Variants in TCF12 observed in about 807,000 individuals in gnomAD.
TCF12 encodes transcription factor 12.
A neutral mutation model predicts 86.0 loss-of-function variants in TCF12; 45 were observed. The observed-to-expected ratio is 0.52, with a 90% CI of 0.41 to 0.67. The LOEUF (loss-of-function observed/expected upper bound fraction) is 0.67, where lower values mean the gene tolerates loss of function less well. Ranked by LOEUF, TCF12 falls within the 30% of genes least tolerant of loss-of-function variation. TCF12 has a pLI of 0.00. For synonymous variants in TCF12, 330 were observed against 299.6 expected, an observed-to-expected ratio of 1.10 and a Z score of -1.05; for missense variants, 881 against 859.9, an observed-to-expected ratio of 1.02 and a Z score of -0.31.
chr15:57,178,328 G>A (rs148000360), intron 6 of TCF12, among the ~76,000 whole-genome samples: 1 of 152,194 alleles, frequency 6.6e-6, no homozygotes, highest in African/African-American at 2.4e-5. Flanking sequence ...TTTTGAAGAC[G>A]TCCAGTACGT....
chr15:57,118,084 G>A (rs1003988719), intron 5 of TCF12, among the ~76,000 whole-genome samples: 11 of 152,190 alleles, frequency 7.2e-5, no homozygotes, highest in African/African-American at 1.9e-4. Context: ...TGTCTAGGAT[G>A]AGGTTGCTTG....
chr15:57,210,137 C>T (rs1199258883), intron 8 of TCF12, among the ~76,000 whole-genome samples: 5 of 152,002 alleles, frequency 3.3e-5, no homozygotes, highest in African/African-American at 9.7e-5. Flanking sequence ...CCAGGAGCAA[C>T]ATAATAAAGC....
intron 5 of TCF12, among the ~76,000 whole-genome samples, chr15:57,155,086 G>A (rs1166591402): frequency 1.3e-5 from 2 of 152,092 alleles, no homozygotes; most frequent in African/African-American, 2.4e-5. Context: ...GCAACAAAGT[G>A]GGAATTTAAA....
At chr15:57,058,872 A>G (rs1227465676) in intron 3 of TCF12, among the ~76,000 whole-genome samples, 1 of 152,220 alleles carries the variant, frequency 6.6e-6, no homozygotes, top group Non-Finnish European at 1.5e-5. Context: ...GAAAAATACA[A>G]TAAAAAATCT....
At chr15:57,071,952 C>T (rs145175616) in intron 4 of TCF12, among the ~76,000 whole-genome samples, 26 of 152,096 alleles carry the variant, frequency 1.7e-4, no homozygotes, top group Middle Eastern at 3.4e-3. Context: ...GAAAATAGTA[C>T]GAGATAAGGC....
At chr15:57,268,737 G>A (rs575198820) in intron 18 of TCF12, among the ~76,000 whole-genome samples, 2 of 151,736 alleles carry the variant, frequency 1.3e-5, no homozygotes, top group Non-Finnish European at 2.9e-5. Context: ...TTCTGATTAT[G>A]TAGTCTATTT....
At chr15:57,021,068 G>A (rs1362524463) in intron 3 of TCF12, among the ~76,000 whole-genome samples, 1 of 152,116 alleles carries the variant, frequency 6.6e-6, no homozygotes, top group African/African-American at 2.4e-5. Context: ...CATCTTGAGA[G>A]TGGAAATTAT....
rs1411227594 is a variant in TCF12 at position 57,182,834 on chromosome 15, A to G, written c.391-9324A>G. ...TATTGCATAGATAAAAAATCTGCCA[A>G]TATGTGTTCTATAGTCATCTCAGCC... On this transcript the variant is annotated intron_variant, in intron 6 of 20. Coordinates refer to ENST00000333725, the MANE Select transcript of TCF12 (RefSeq NM_207037.2). Among the ~76,000 whole-genome samples, 5 of 152,232 alleles carry G rather than the reference A, an allele frequency of 3.3e-5. No individual in the cohort carries two copies. In the East Asian group the frequency reaches 5.8e-4, roughly 18 times the overall value.
At chr15:57,084,794 G>A (rs1415665598) in intron 4 of TCF12, among the ~76,000 whole-genome samples, 4 of 150,032 alleles carry the variant, frequency 2.7e-5, no homozygotes, top group Non-Finnish European at 4.4e-5. Context: ...TATTATAAAT[G>A]TATATTAAAT....
Position 57,122,472 on chromosome 15 carries a change from A to G in TCF12, c.325+30581A>G, listed in dbSNP as rs201155561. ...GTGTTTATATTCATTATTTCATTCA[A>G]TTCTTTTAACAGCATTATTTTATGG... On this transcript the variant is annotated intron_variant, in intron 5 of 20. Transcript: ENST00000333725. Among the ~76,000 whole-genome samples the G allele has an allele frequency of 2.0e-4, 31 of 152,330 alleles. 1 individual carries two copies. Among genetic ancestry groups the G allele is most frequent in the East Asian group, 5.8e-4 (3 of 5,188 alleles).
At chr15:57,130,060 T>G (rs2051986719) in intron 5 of TCF12, 1 of 152,204 alleles carries the variant, frequency 6.6e-6, no homozygotes. Flanking sequence ...AAGAAACCTT[T>G]TCAAGGAATC....
At chr15:56,944,761 T>G (rs1194441012) in intron 3 of TCF12, among the ~76,000 whole-genome samples, 1 of 152,152 alleles carries the variant, frequency 6.6e-6, no homozygotes, top group East Asian at 1.9e-4. Flanking sequence ...TAACATTAAC[T>G]GCAAAATAGT....
intron 3 of TCF12, among the ~76,000 whole-genome samples, chr15:56,986,185 C>T (rs2063170139): frequency 6.6e-6 from 1 of 151,990 alleles, no homozygotes; most frequent in African/African-American, 2.4e-5. Flanking sequence ...ATTCTGTAAC[C>T]AGCAGTCTGT....
intron 20 of TCF12, among the ~76,000 whole-genome samples, chr15:57,285,504 A>G (rs190491122): frequency 1.7e-3 from 262 of 152,342 alleles, no homozygotes; most frequent in African/African-American, 6.1e-3. Flanking sequence ...TGGGACCAAT[A>G]TGAAAATGAA....
chr15:57,072,641 T>A (rs1567363386), intron 4 of TCF12: 2 of 1,297,516 alleles, frequency 1.5e-6, no homozygotes, highest in Non-Finnish European at 2.0e-6. Context: ...ATTTTATGCC[T>A]CTTGATCTCA....
At chr15:57,282,720 T>C (rs1208669991) in intron 20 of TCF12, 122 bp downstream of exon 20, 21 of 1,197,630 alleles carry the variant, frequency 1.8e-5, no homozygotes, top group Non-Finnish European at 2.3e-5. Flanking sequence ...CACATGTAAT[T>C]TGAAATATAA....
chr15:57,101,320 T>C (rs563364837), intron 5 of TCF12, among the ~76,000 whole-genome samples: 1 of 152,156 alleles, frequency 6.6e-6, no homozygotes, highest in East Asian at 1.9e-4. Context: ...ATCCTCCCAC[T>C]CAGCCTCCCA....
intron 6 of TCF12, among the ~76,000 whole-genome samples, chr15:57,170,731 A>T (rs1270153023): frequency 4.3e-3 from 7 of 1,624 alleles, no homozygotes; most frequent in African/African-American, 0.01. Flanking sequence ...ATTATATATT[A>T]TATATAATAT....
intron 3 of TCF12, among the ~76,000 whole-genome samples, chr15:57,007,800 TTCTTTCTTTC>T (rs2064508819): frequency 7.5e-6 from 1 of 133,486 alleles, no homozygotes; most frequent in African/African-American, 2.7e-5. Context: ...CTCTCTTTCT[TTCTTTCTTTC>T]TTTCTTTCTT....
Sources: gnomAD v4.1 joint callset for allele counts (sites outside exome capture counted in the v4.1 genomes callset) on GRCh38, gnomAD v4.1.1 for gene constraint, MANE v1.5 for transcripts, NCBI Gene and HGNC (gene_info 2026-07-23, HGNC 2026-07-21) for gene names.